The following TSHZ2 variants were observed in gnomAD, a reference collection of about 807,000 sequenced individuals.
TSHZ2 encodes the protein teashirt homolog 2.
TSHZ2 carries 21 observed loss-of-function variants against 74.4 expected under a neutral mutation model. The observed-to-expected ratio is 0.28, with a 90% CI of 0.20 to 0.41. TSHZ2 has a LOEUF of 0.41. Among genes scored for constraint, TSHZ2 ranks in the 10% least tolerant of loss-of-function variants. The pLI, the probability that TSHZ2 is intolerant of heterozygous loss-of-function variation, is 1.00. For missense variants in TSHZ2, 1,244 were observed against 1,293.5 expected, an observed-to-expected ratio of 0.96 and a Z score of 0.59; for synonymous variants, 540 against 515.3, an observed-to-expected ratio of 1.05 and a Z score of -0.65.
chr20:53,403,640 G>A (rs1982748565), intron 2 of TSHZ2, among the ~76,000 whole-genome samples: 4 of 152,220 alleles, frequency 2.6e-5, no homozygotes, highest in African/African-American at 9.6e-5. Context: ...CCATGAGAAA[G>A]GGGTGCCAAT....
chr20:53,462,724 A>G (rs1157783104), intron 2 of TSHZ2, among the ~76,000 whole-genome samples: 1 of 152,172 alleles, frequency 6.6e-6, no homozygotes, highest in Non-Finnish European at 1.5e-5. Flanking sequence ...TTACTTTGAG[A>G]AAGAAAGCCT....
intron 1 of TSHZ2, among the ~76,000 whole-genome samples, chr20:53,139,362 A>T (rs1987331298): frequency 1.3e-5 from 2 of 152,230 alleles, no homozygotes; most frequent in Non-Finnish European, 2.9e-5. Context: ...TGTGGCCACC[A>T]GACTATCTCG....
Position 53,457,165 on chromosome 20 carries a change from C to T in TSHZ2, c.*9-29979C>T, listed in dbSNP as rs1468924758. Among the ~76,000 whole-genome samples the T allele has an allele frequency of 1.9e-4, 26 of 140,100 alleles. 3 individuals are homozygous for T. The highest frequency in any genetic ancestry group is 5.6e-4 in the African/African-American group (20 of 35,492). The allele number at this position is 140,100 out of a possible 152,430, so 91.9% of individuals were successfully genotyped here. ...ACCTTGGGCAGTATGGCCATTTTCA[C>T]GATATTGATTCTTCCTACCCATGAG... On this transcript the variant is annotated intron_variant, in intron 2 of 2. Coordinates refer to ENST00000371497, the MANE Select transcript of TSHZ2 (RefSeq NM_173485.6).
chr20:53,084,069 C>T (rs983028564), intron 1 of TSHZ2, among the ~76,000 whole-genome samples: 26 of 152,010 alleles, frequency 1.7e-4, no homozygotes, highest in African/African-American at 6.0e-4. Context: ...ACAGAATAGC[C>T]ACTAATCAAA....
chr20:53,088,212 T>C (rs1450335552), intron 1 of TSHZ2, among the ~76,000 whole-genome samples: 2 of 152,238 alleles, frequency 1.3e-5, no homozygotes, highest in African/African-American at 4.8e-5. Flanking sequence ...ATTCATTTAG[T>C]AAGTTTTTGT....
intron 1 of TSHZ2, among the ~76,000 whole-genome samples, chr20:53,212,300 A>G (rs1989330082): frequency 6.6e-6 from 1 of 152,244 alleles, no homozygotes; most frequent in Admixed American, 6.5e-5. Flanking sequence ...AGAGGAAAAA[A>G]GAACAGTTTG....
At chr20:53,463,427 G>GAAGA (rs1985453739) in intron 2 of TSHZ2, among the ~76,000 whole-genome samples, 1 of 113,528 alleles carries the variant, frequency 8.8e-6, no homozygotes, top group Admixed American at 9.3e-5. Context: ...AGGAAGGAAG[G>GAAGA]AAGGAAGGAG....
chr20:52,998,053 A>G (rs1982271796), intron 1 of TSHZ2, among the ~76,000 whole-genome samples: 2 of 152,154 alleles, frequency 1.3e-5, no homozygotes, highest in South Asian at 4.1e-4. Context: ...TGAGATTTTT[A>G]GAAGAGTTAG....
intron 2 of TSHZ2, among the ~76,000 whole-genome samples, chr20:53,374,923 G>GAAAAAAAAAA (rs11475187): frequency 8.1e-6 from 1 of 123,450 alleles, no homozygotes; most frequent in Non-Finnish European, 1.8e-5. Flanking sequence ...CTGTTGATAT[G>GAAAAAAAAAA]AAAAAAAAAA....
rs1224609701 is a variant in TSHZ2 at position 53,065,034 on chromosome 20, CG to C, written c.40+91703del. ...TTCTTTAAGGGTTAAATTCGAAAAT[CG>C]GTACATAAGTTACCTGTGCTTTGTG... On this transcript the variant is annotated intron_variant, in intron 1 of 2. Transcript: ENST00000371497. Among the ~76,000 whole-genome samples, 7 of 152,178 alleles carry C rather than the reference CG, an allele frequency of 4.6e-5. No individual in the cohort carries two copies. The East Asian group carries it at 1.3e-3, about 29-fold the overall frequency.
chr20:53,337,245 A>C (rs1015369065), intron 2 of TSHZ2, among the ~76,000 whole-genome samples: 1 of 152,202 alleles, frequency 6.6e-6, no homozygotes, highest in Non-Finnish European at 1.5e-5. Context: ...TCCTTTGCTT[A>C]AAGTCAATTT....
At chr20:53,380,948 T>A (rs986022583) in intron 2 of TSHZ2, among the ~76,000 whole-genome samples, 1 of 152,262 alleles carries the variant, frequency 6.6e-6, no homozygotes, top group Non-Finnish European at 1.5e-5. Flanking sequence ...GTAATGACTA[T>A]GCTGGTCTCA....
At chr20:53,342,955 CTT>C (rs1175907478) in intron 2 of TSHZ2, among the ~76,000 whole-genome samples, 495 of 61,132 alleles carry the variant, frequency 8.1e-3, no homozygotes, top group African/African-American at 0.023. Context: ...CTTTTCTTTT[CTT>C]TTTTTTTTTT....
At chr20:53,196,043 A>G (rs980913062) in intron 1 of TSHZ2, among the ~76,000 whole-genome samples, 4 of 152,150 alleles carry the variant, frequency 2.6e-5, no homozygotes, top group African/African-American at 9.7e-5. Flanking sequence ...GTCGCAGCCT[A>G]TCACAGAAAG....
rs1419419347 is a variant in TSHZ2, at chr20:53,487,659, T to C, written c.*524T>C. 1 of 152,238 alleles carries C rather than the reference T, an allele frequency of 6.6e-6. No individual in the cohort carries two copies. The highest frequency in any genetic ancestry group is 2.4e-5 in the African/African-American group (1 of 41,464). 9.4% of individuals were successfully genotyped at this position (152,238 alleles called of 1,614,324 possible). A position where few individuals can be genotyped will look rare whatever the true frequency, so the allele number is the denominator to read the frequency against. Reference sequence around the variant, plus strand: ...AACGTTTGTCTAAAGGAAATGTTTCTGTTCAGTGTAACAATTACAGTTGCA... The same window carrying C: ...AACGTTTGTCTAAAGGAAATGTTTCCGTTCAGTGTAACAATTACAGTTGCA... On this transcript the variant is annotated 3_prime_UTR_variant, in exon 3 of 3. Transcript: ENST00000371497.
chr20:53,426,897 CCTT>C (rs1319735310), intron 2 of TSHZ2, among the ~76,000 whole-genome samples: 1 of 152,188 alleles, frequency 6.6e-6, no homozygotes, highest in East Asian at 1.9e-4. Context: ...GATTACTTCT[CCTT>C]GATTAGCATT....
intron 1 of TSHZ2, among the ~76,000 whole-genome samples, chr20:52,981,121 C>A (rs1981552027): frequency 6.6e-6 from 1 of 152,200 alleles, no homozygotes; most frequent in African/African-American, 2.4e-5. Flanking sequence ...GGGTACACTG[C>A]TGAGTGCTTC....
chr20:53,124,626 A>G (rs183086521), intron 1 of TSHZ2, among the ~76,000 whole-genome samples: 5 of 152,372 alleles, frequency 3.3e-5, no homozygotes, highest in African/African-American at 9.6e-5. Flanking sequence ...AGTTATAACA[A>G]TAGTCATCAT....
intron 1 of TSHZ2, among the ~76,000 whole-genome samples, chr20:53,221,990 G>C (rs1012518557): frequency 6.6e-6 from 1 of 152,192 alleles, no homozygotes; most frequent in African/African-American, 2.4e-5. Flanking sequence ...AAACTGACCA[G>C]GGTAATGACT....
Sources: gnomAD v4.1 joint callset for allele counts (sites outside exome capture counted in the v4.1 genomes callset) on GRCh38, gnomAD v4.1.1 for gene constraint, MANE v1.5 for transcripts, NCBI Gene and HGNC (gene_info 2026-07-23, HGNC 2026-07-21) for gene names.